The following CREB5 variants were observed in gnomAD, a reference collection of about 807,000 sequenced individuals.
The protein encoded by CREB5 is cAMP responsive element binding protein 5.
A neutral mutation model predicts 57.1 loss-of-function variants in CREB5; 19 were observed. That is an observed-to-expected ratio of 0.33 (90% CI 0.23 to 0.49). The LOEUF (loss-of-function observed/expected upper bound fraction) is 0.49, where lower values mean the gene tolerates loss of function less well. CREB5 is among the 20% of genes least tolerant of loss of function. The pLI, the probability that CREB5 is intolerant of heterozygous loss-of-function variation, is 0.99. For missense variants in CREB5, 579 were observed against 671.6 expected, an observed-to-expected ratio of 0.86 and a Z score of 1.52; for synonymous variants, 238 against 238.3, an observed-to-expected ratio of 1.00 and a Z score of 0.01.
At chr7:28,406,587 G>A (rs1214264685) in intron 1 of CREB5, among the ~76,000 whole-genome samples, 5 of 152,240 alleles carry the variant, frequency 3.3e-5, no homozygotes, top group Admixed American at 2.6e-4. Context: ...AATGGATGGA[G>A]TCCTGGTGGG....
At chr7:28,470,137 G>A (rs1381921469) in intron 1 of CREB5, among the ~76,000 whole-genome samples, 1 of 152,098 alleles carries the variant, frequency 6.6e-6, no homozygotes, top group Non-Finnish European at 1.5e-5. Flanking sequence ...TAGTTACCCT[G>A]TTGTGCTACC....
chr7:28,304,101 A>C (rs1785145943), intron 1 of CREB5, among the ~76,000 whole-genome samples: 1 of 152,198 alleles, frequency 6.6e-6, no homozygotes, highest in Non-Finnish European at 1.5e-5. Context: ...AATAAACATA[A>C]GGCTTCATCC....
intron 5 of CREB5, among the ~76,000 whole-genome samples, chr7:28,668,993 G>A (rs537584920): frequency 4.6e-5 from 7 of 152,260 alleles, no homozygotes; most frequent in East Asian, 1.9e-4. Flanking sequence ...TATGCAACAC[G>A]AGAAAGGCAC....
chr7:28,448,102 G>A (rs149438073), intron 1 of CREB5, among the ~76,000 whole-genome samples: 10,049 of 152,168 alleles, frequency 0.066, 539 homozygotes, highest in East Asian at 0.28. Context: ...AGCTGCCAGC[G>A]AATATAAAGC....
intron 1 of CREB5, among the ~76,000 whole-genome samples, chr7:28,351,592 T>C (rs1786186887): frequency 1.3e-5 from 2 of 152,216 alleles, no homozygotes; most frequent in Admixed American, 1.3e-4. Context: ...ACTTTTTCAT[T>C]ATCCTCATCT....
intron 1 of CREB5, among the ~76,000 whole-genome samples, chr7:28,394,405 A>C (rs1468854902): frequency 6.6e-6 from 1 of 152,222 alleles, no homozygotes; most frequent in Non-Finnish European, 1.5e-5. Context: ...AATGGAGTAG[A>C]TTAAAAAAAA....
chr7:28,813,873 G>A (rs577861736), intron 9 of CREB5, among the ~76,000 whole-genome samples: 50 of 152,114 alleles, frequency 3.3e-4, no homozygotes, highest in Non-Finnish European at 6.0e-4. Flanking sequence ...ACTCAAATTC[G>A]TTTAGAAAAA....
chr7:28,632,111 A>G lies in CREB5; in HGVS notation c.464+61574A>G, dbSNP rs1009972073. ...GCACAGCTTGGACCGTGTTCTTCCC[A>G]TAAGAGTCAAGACTAACATTCCAAC... On this transcript the variant is annotated intron_variant, in intron 5 of 10. Coordinates refer to ENST00000357727, the MANE Select transcript of CREB5 (RefSeq NM_182898.4). 8.5e-5 allele frequency among the ~76,000 whole-genome samples: 13 copies of G among 152,336 alleles called. No homozygotes were observed. In the East Asian group the frequency reaches 2.1e-3, roughly 25 times the overall value.
intron 1 of CREB5, among the ~76,000 whole-genome samples, chr7:28,442,925 G>T (rs889327208): frequency 2.6e-5 from 4 of 152,154 alleles, no homozygotes; most frequent in Non-Finnish European, 5.9e-5. Context: ...GACATTCAAA[G>T]ATCATTCCTT....
At chr7:28,769,182 G>A (rs1001205014) in intron 7 of CREB5, among the ~76,000 whole-genome samples, 1 of 152,144 alleles carries the variant, frequency 6.6e-6, no homozygotes, top group African/African-American at 2.4e-5. Context: ...GCTATGCTTT[G>A]ACCAGGCCTG....
intron 2 of CREB5, among the ~76,000 whole-genome samples, chr7:28,494,663 A>G (rs1437587881): frequency 6.6e-6 from 1 of 152,226 alleles, no homozygotes; most frequent in Non-Finnish European, 1.5e-5. Context: ...AACTTTAATG[A>G]AAATTAGAAT....
chr7:28,650,019 A>C (rs1336575405), intron 5 of CREB5, among the ~76,000 whole-genome samples: 1 of 152,188 alleles, frequency 6.6e-6, no homozygotes, highest in Non-Finnish European at 1.5e-5. Context: ...AATGTGCAAA[A>C]CCGGTAGATA....
intron 1 of CREB5, among the ~76,000 whole-genome samples, chr7:28,315,919 G>T (rs1785369739): frequency 6.6e-6 from 1 of 152,188 alleles, no homozygotes; most frequent in South Asian, 2.1e-4. Flanking sequence ...GGAGGAAAAA[G>T]ATAACACAGC....
At chr7:28,586,668 T>C (rs1377440324) in intron 5 of CREB5, among the ~76,000 whole-genome samples, 1 of 152,200 alleles carries the variant, frequency 6.6e-6, no homozygotes, top group Non-Finnish European at 1.5e-5. Flanking sequence ...GGAAGCAACA[T>C]GAATTCCAGA....
At chr7:28,560,899 T>TGCGTGTGTGTGTGTGTGTGCGTGCGC (rs1337535590) in intron 4 of CREB5, among the ~76,000 whole-genome samples, 6 of 18,664 alleles carry the variant, frequency 3.2e-4, no homozygotes, top group African/African-American at 1.5e-3. Flanking sequence ...TGTGTGTGCG[T>TGCGTGTGTGTGTGTGTGTGCGTGCGC]GCGCGCGTGC....
chr7:28,617,267 C>T (rs1023389896), intron 5 of CREB5, among the ~76,000 whole-genome samples: 4 of 152,320 alleles, frequency 2.6e-5, no homozygotes, highest in Non-Finnish European at 2.9e-5. Flanking sequence ...ATTGTAGAAA[C>T]GAAAACCTGA....
intron 5 of CREB5, among the ~76,000 whole-genome samples, chr7:28,573,519 G>A (rs895774078): frequency 6.6e-6 from 1 of 152,224 alleles, no homozygotes; most frequent in African/African-American, 2.4e-5. Context: ...GCCAGCGGGT[G>A]TGTTCATGGC....
intron 1 of CREB5, among the ~76,000 whole-genome samples, chr7:28,350,561 G>GA (rs927659273): frequency 7.4e-5 from 11 of 148,240 alleles, no homozygotes; most frequent in Non-Finnish European, 1.2e-4. Flanking sequence ...TGTTGAGATG[G>GA]AAAAAAAAAC....
intron 1 of CREB5, among the ~76,000 whole-genome samples, chr7:28,394,068 C>G (rs1161094766): frequency 1.9e-4 from 5 of 26,152 alleles, no homozygotes; most frequent in Non-Finnish European, 2.5e-4. Flanking sequence ...AAGACTCTGT[C>G]TCAAAAAAAA....
Sources: allele counts gnomAD v4.1 joint callset (sites outside exome capture counted in the v4.1 genomes callset), GRCh38; gene constraint gnomAD v4.1.1; transcripts MANE v1.5; gene names NCBI Gene and HGNC (gene_info 2026-07-23, HGNC 2026-07-21).